CELF2: variants seen among roughly 807,000 people sequenced by gnomAD.
CELF2 encodes the protein CUG triplet repeat RNA-binding protein 2.
In CELF2, 8 loss-of-function variants were observed where a neutral mutation model predicts 62.6. The ratio of observed to expected loss-of-function variants is 0.13; its 90% CI spans 0.07 to 0.23. CELF2 has a LOEUF of 0.23. CELF2 is among the 10% of genes least tolerant of loss of function. The probability of loss-of-function intolerance (pLI) is 1.00; values close to 1 mark genes in which losing one functional copy is unlikely to be tolerated. For synonymous variants in CELF2, 258 were observed against 250.0 expected (o/e 1.03, Z -0.30); for missense variants, 333 against 671.0 (o/e 0.50, Z 5.56).
the CELF2 span, among the ~76,000 whole-genome samples, chr10:10,708,841 C>T: frequency 1.3e-5 from 2 of 152,052 alleles, no homozygotes; most frequent in Non-Finnish European, 2.9e-5. Flanking sequence ...TTCACCTTGA[C>T]CCCTCCAAAC....
intron 1 of CELF2, among the ~76,000 whole-genome samples, chr10:11,063,187 G>A (rs1337057123): frequency 2.0e-5 from 3 of 152,250 alleles, no homozygotes; most frequent in Non-Finnish European, 4.4e-5. Flanking sequence ...TTGCTTCATT[G>A]AAATACTAGC....
intron 1 of CELF2, among the ~76,000 whole-genome samples, chr10:11,132,360 A>G (rs2059751289): frequency 6.6e-6 from 1 of 152,110 alleles, no homozygotes; most frequent in African/African-American, 2.4e-5. Context: ...TTTTCAGGAG[A>G]GCAAAAGCCT....
chr10:11,298,277 G>A (rs2140051300), intron 9 of CELF2, among the ~76,000 whole-genome samples: 1 of 152,346 alleles, frequency 6.6e-6, no homozygotes, highest in South Asian at 2.1e-4. Context: ...CCCCACAGCA[G>A]CACCCTGGCC....
Position 11,165,647 on chromosome 10 carries a change from T to G in CELF2, c.236T>G (p.Leu79Arg). The change falls in exon 2 of 13, where the codon CTC becomes CGC. Residue 79 changes from leucine (L) to arginine (R), a missense_variant. Transcript: ENST00000633077. This position sits in a 1 kb window ranked among gnomAD's most constrained non-coding sequence, Gnocchi z 7.4. ...PYGAVYQINV[L>R]RDRSQNPPQS... ...GGAGCCGTCTACCAGATCAACGTCC[T>G]CCGGGACCGGAGTCAGAACCCTCCG... 1 of 1,613,940 alleles carries G rather than the reference T, an allele frequency of 6.2e-7. No individual in the cohort carries two copies. Among genetic ancestry groups the G allele is most frequent in the Non-Finnish European group, 8.5e-7 (1 of 1,179,928 alleles).
intron 1 of CELF2, among the ~76,000 whole-genome samples, chr10:10,906,377 C>A (rs943843508): frequency 6.6e-6 from 1 of 152,214 alleles, no homozygotes; most frequent in Admixed American, 6.5e-5. Flanking sequence ...TTTGCGCCAG[C>A]CACTCACTGT....
At chr10:10,538,073 C>G in the CELF2 span, among the ~76,000 whole-genome samples, 1 of 152,144 alleles carries the variant, frequency 6.6e-6, no homozygotes, top group East Asian at 1.9e-4. Context: ...GGCAGTGCAG[C>G]AGCCACTGTC....
intron 1 of CELF2, among the ~76,000 whole-genome samples, chr10:10,836,603 C>T (rs1173142035): frequency 3.3e-5 from 5 of 152,158 alleles, no homozygotes; most frequent in Non-Finnish European, 5.9e-5. Flanking sequence ...CTATAGAAGA[C>T]TCCCTTTTGC....
intron 2 of CELF2, among the ~76,000 whole-genome samples, chr10:10,984,598 G>T (rs554839982): frequency 1.1e-4 from 16 of 152,226 alleles, no homozygotes; most frequent in Non-Finnish European, 2.1e-4. Flanking sequence ...GTACTCAAGC[G>T]GTCTTCAGGT....
intron 2 of CELF2, among the ~76,000 whole-genome samples, chr10:11,166,355 A>G (rs1176343338): frequency 6.6e-6 from 1 of 152,150 alleles, no homozygotes; most frequent in African/African-American, 2.4e-5. Context: ...GGTAGTTGTT[A>G]CTGCCTCCAT....
rs575398395 is a variant in CELF2, at chr10:10,905,810, G to A, written c.54-14154G>A. Among the ~76,000 whole-genome samples the A allele has an allele frequency of 2.9e-4, 44 of 151,860 alleles. No individual in the cohort carries two copies. In the South Asian group the frequency reaches 5.8e-3, roughly 20 times the overall value. On this transcript the variant is annotated intron_variant, in intron 1 of 13. Transcript: ENST00000636488. The stretch of plus-strand genomic sequence containing the variant: ...AGAGAATGGCGTGAACCCAGGAGGC[G>A]GAGCTTGCAGTGAGCCAAGGTCATG...
At chr10:10,821,002 T>C (rs1306566761) in intron 1 of CELF2, among the ~76,000 whole-genome samples, 1 of 152,138 alleles carries the variant, frequency 6.6e-6, no homozygotes, top group East Asian at 1.9e-4. Flanking sequence ...GCAATGAGGC[T>C]AGAGAAAAGT....
chr10:11,245,328 T>G (rs530053265), intron 3 of CELF2, among the ~76,000 whole-genome samples: 1 of 152,234 alleles, frequency 6.6e-6, no homozygotes, highest in East Asian at 1.9e-4. Flanking sequence ...TTACATCTTG[T>G]ATGTGATCAG....
At chr10:10,679,598 T>A in the CELF2 span, among the ~76,000 whole-genome samples, 1 of 152,206 alleles carries the variant, frequency 6.6e-6, no homozygotes, top group African/African-American at 2.4e-5. Context: ...CCCTATGTTT[T>A]ACTTTTAAAA....
intron 9 of CELF2, among the ~76,000 whole-genome samples, chr10:11,312,745 C>G (rs1179288520): frequency 6.6e-6 from 1 of 152,178 alleles, no homozygotes; most frequent in East Asian, 1.9e-4. Context: ...GCCATCCTGG[C>G]CAACATGGTG....
At chr10:10,847,368 A>T (rs2059082269) in intron 1 of CELF2, among the ~76,000 whole-genome samples, 2 of 152,184 alleles carry the variant, frequency 1.3e-5, no homozygotes, top group Non-Finnish European at 2.9e-5. Context: ...TGATGATATC[A>T]TCTGACCTAC....
chr10:11,065,179 G>T (rs2067763992), intron 1 of CELF2, among the ~76,000 whole-genome samples: 1 of 152,206 alleles, frequency 6.6e-6, no homozygotes, highest in Non-Finnish European at 1.5e-5. Context: ...GAGGTGGTCA[G>T]TGTATCTTGG....
chr10:10,839,014 C>T (rs2058496621), intron 1 of CELF2, among the ~76,000 whole-genome samples: 1 of 152,100 alleles, frequency 6.6e-6, no homozygotes, highest in South Asian at 2.1e-4. Flanking sequence ...GACGTGGTGG[C>T]ACACACCTGT....
At chr10:11,120,951 C>T (rs2057620309) in intron 1 of CELF2, among the ~76,000 whole-genome samples, 1 of 152,162 alleles carries the variant, frequency 6.6e-6, no homozygotes, top group Non-Finnish European at 1.5e-5. Flanking sequence ...AGCTTTTAAG[C>T]GCGTCCATTT....
rs1368320233 is a variant in CELF2, at chr10:11,237,372, G to C, written c.355-11781G>C. ...CTCTGTCCAGCTTCTCAAGTTCTCTGTGGGGTACCCAGATTCAGGTCATTT... is the reference window on the plus strand; with the variant it reads ...CTCTGTCCAGCTTCTCAAGTTCTCTCTGGGGTACCCAGATTCAGGTCATTT... On this transcript the variant is annotated intron_variant, in intron 3 of 12. Coordinates refer to ENST00000633077, the MANE Select transcript of CELF2 (RefSeq NM_001326342.2). The surrounding 1 kb of genome is among the most constrained non-coding windows in gnomAD (Gnocchi z 4.0). Among the ~76,000 whole-genome samples, 1 of 152,182 alleles carries C rather than the reference G, an allele frequency of 6.6e-6. No individual in the cohort carries two copies. The highest frequency in any genetic ancestry group is 2.4e-5 in the African/African-American group (1 of 41,448).
Sources: gnomAD v4.1 joint callset for allele counts (sites outside exome capture counted in the v4.1 genomes callset) on GRCh38, gnomAD v4.1.1 for gene constraint, Gnocchi (gnomAD v3.1) non-coding constraint, MANE v1.5 for transcripts, NCBI Gene and HGNC (gene_info 2026-07-23, HGNC 2026-07-21) for gene names.